Variants in ZNF112 observed in about 807,000 individuals in gnomAD.
ZNF112 encodes zinc finger protein 112 (Y14).
In ZNF112, 37 loss-of-function variants were observed where a neutral mutation model predicts 77.7. The ratio of observed to expected loss-of-function variants is 0.48; its 90% CI spans 0.37 to 0.63. ZNF112 has a LOEUF of 0.63. Ranked by LOEUF, ZNF112 falls within the 20% of genes least tolerant of loss-of-function variation. The pLI, the probability that ZNF112 is intolerant of heterozygous loss-of-function variation, is 0.00. For missense variants in ZNF112, 950 were observed against 1,077.4 expected, an observed-to-expected ratio of 0.88 and a Z score of 1.66; for synonymous variants, 333 against 363.6, an observed-to-expected ratio of 0.92 and a Z score of 0.96.
At chr19:44,330,877 G>C (rs527960806) in intron 3 of ZNF112, among the ~76,000 whole-genome samples, 1 of 152,180 alleles carries the variant, frequency 6.6e-6, no homozygotes, top group Non-Finnish European at 1.5e-5. Flanking sequence ...GTCCTAATAA[G>C]TTTTTCTTTT....
intron 1 of ZNF112, among the ~76,000 whole-genome samples, chr19:44,348,707 T>C (rs1970639974): frequency 6.6e-6 from 1 of 152,112 alleles, no homozygotes; most frequent in Non-Finnish European, 1.5e-5. Flanking sequence ...AAATGCTTCT[T>C]AGAAAATAAA....
intron 2 of ZNF112, among the ~76,000 whole-genome samples, chr19:44,339,796 G>A (rs897763234): frequency 2.6e-5 from 4 of 152,112 alleles, no homozygotes; most frequent in African/African-American, 7.2e-5. Context: ...ATTGGTATCA[G>A]AGGTGAGAGT....
At chr19:44,354,895 A>G (rs528643560) in intron 1 of ZNF112, among the ~76,000 whole-genome samples, 1 of 152,338 alleles carries the variant, frequency 6.6e-6, no homozygotes, top group East Asian at 1.9e-4. Context: ...TCCTCAAGTA[A>G]GGACCATTCT....
intron 2 of ZNF112, among the ~76,000 whole-genome samples, chr19:44,337,389 T>TATATATTATATATATTTTATATATATA: frequency 3.4e-5 from 2 of 58,690 alleles, no homozygotes; most frequent in African/African-American, 1.6e-4. Flanking sequence ...TATATAATAA[T>TATATATTATATATATTTTATATATATA]ATATATAATA....
At chr19:44,337,279 A>G (rs1970386767) in intron 2 of ZNF112, among the ~76,000 whole-genome samples, 1 of 137,800 alleles carries the variant, frequency 7.3e-6, no homozygotes. Context: ...TATATTATAT[A>G]TATTTCATAT....
intron 2 of ZNF112, among the ~76,000 whole-genome samples, chr19:44,337,781 A>T (rs912742515): frequency 2.4e-4 from 37 of 151,580 alleles, no homozygotes; most frequent in African/African-American, 8.0e-4. Context: ...TAAACTGAAC[A>T]TCTATTCATA....
At chr19:44,362,996 G>A (rs1970868772) in intron 1 of ZNF112, among the ~76,000 whole-genome samples, 1 of 152,054 alleles carries the variant, frequency 6.6e-6, no homozygotes, top group Admixed American at 6.5e-5. Flanking sequence ...TGAAGACAGG[G>A]TCTTACCTTG....
rs746118124 is a variant in ZNF112, at chr19:44,329,656, C to T, written c.501G>A (p.Gly167=). Residue 167 remains glycine (G), a synonymous_variant, in exon 4 of 4, where the codon GGG becomes GGA. Transcript: ENST00000354340. The part of the protein sequence containing the change: ...GNGSNYIKSQ[G]YPSWRAHHSW... ...AATGATGTGCCCTCCAAGATGGATA[C>T]CCTTGACTTTTTATATAATTGGAGC... 1 of 1,614,088 alleles carries T rather than the reference C, an allele frequency of 6.2e-7. No homozygotes were observed. The highest frequency in any genetic ancestry group is 1.1e-5 in the South Asian group (1 of 91,076).
In ZNF112 at chr19:44,336,650, T is replaced by C; in HGVS notation, c.193A>G (p.Thr65Ala). The C allele has an allele frequency of 6.2e-7, 1 of 1,614,026 alleles. No homozygotes were observed. Among genetic ancestry groups the C allele is most frequent in the Non-Finnish European group, 8.5e-7 (1 of 1,179,946 alleles). The change falls in exon 3 of 4, where the codon ACA becomes GCA. Residue 65 changes from threonine (T) to alanine (A), a missense_variant. Transcript: ENST00000354340. ...EREEKLLMVE[T>A]ETPRDGCSGR... ...GAACATCCATCTCTTGGGGTTTCTG[T>C]CTCCACCATCAAAAGCTTTTCTTCT...
At chr19:44,359,622 T>A (rs1296811527), upstream of ZNF112, among the ~76,000 whole-genome samples, 2 of 152,152 alleles carry the variant, frequency 1.3e-5, no homozygotes, top group African/African-American at 4.8e-5. Flanking sequence ...GCATGTGGCC[T>A]ACAGTTCTTT....
chr19:44,342,795 A>G (rs1427987073), intron 1 of ZNF112, among the ~76,000 whole-genome samples: 1 of 151,660 alleles, frequency 6.6e-6, no homozygotes, highest in Non-Finnish European at 1.5e-5. Context: ...AGCCTGGGCA[A>G]CAGAGCGAGA....
At chr19:44,332,866 A>G (rs1970295326) in intron 3 of ZNF112, among the ~76,000 whole-genome samples, 1 of 152,250 alleles carries the variant, frequency 6.6e-6, no homozygotes, top group Admixed American at 6.5e-5. Context: ...TCTAAAAAAG[A>G]CCACACATGT....
Position 44,328,721 on chromosome 19 carries a change from T to G in ZNF112, c.1436A>C (p.Tyr479Ser). The change falls in exon 4 of 4, where the codon TAT becomes TCT. Residue 479 changes from tyrosine (Y) to serine (S), a missense_variant. By Grantham distance (144) the Tyr-to-Ser change is moderately radical. This residue lies in a region of ZNF112 where 560 missense variants were observed against 557.3 expected (regional missense o/e 1.00). Transcript: ENST00000354340. Reference protein sequence around the residue: ...VCSNSFSHNLYLQGHPKIHIG... With the variant: ...VCSNSFSHNLSLQGHPKIHIG... ...GTGAATTTTTGGATGACCTTGAAGATATAAATTATGGCTGAAGCTGTTACT... is the reference window on the plus strand; with the variant it reads ...GTGAATTTTTGGATGACCTTGAAGAGATAAATTATGGCTGAAGCTGTTACT... The G allele has an allele frequency of 1.9e-6, 3 of 1,614,054 alleles. No individual in the cohort carries two copies. The highest frequency in any genetic ancestry group is 2.5e-6 in the Non-Finnish European group (3 of 1,179,956).
chr19:44,340,589 T>G (rs776922295), intron 1 of ZNF112, 47 bp from the exon 2 acceptor site: 1 of 1,612,716 alleles, frequency 6.2e-7, no homozygotes, highest in Non-Finnish European at 8.5e-7. Context: ...AGAAGGGCAG[T>G]GCTGAGAAGG....
chr19:44,346,810 C>A (rs901643788), intron 1 of ZNF112, among the ~76,000 whole-genome samples: 2 of 152,244 alleles, frequency 1.3e-5, no homozygotes, highest in East Asian at 3.9e-4. Flanking sequence ...ATGGGAAAGA[C>A]AGATCAGAAA....
intron 1 of ZNF112, among the ~76,000 whole-genome samples, chr19:44,352,483 G>A (rs1970711005): frequency 1.3e-5 from 2 of 151,972 alleles, no homozygotes; most frequent in South Asian, 4.1e-4. Context: ...ATTCAACACT[G>A]TACTGAAAAT....
chr19:44,342,279 A>AT (rs759294652), intron 1 of ZNF112, among the ~76,000 whole-genome samples: 1 of 152,082 alleles, frequency 6.6e-6, no homozygotes, highest in African/African-American at 2.4e-5. Flanking sequence ...AAAAACATCT[A>AT]TTTTTCCCCC....
At chr19:44,332,143 T>C (rs2123148368) in intron 3 of ZNF112, among the ~76,000 whole-genome samples, 1 of 152,262 alleles carries the variant, frequency 6.6e-6, no homozygotes, top group South Asian at 2.1e-4. Flanking sequence ...TAATTGCACC[T>C]GTGAACAGCC....
At chr19:44,346,113 G>C (rs537048390) in intron 1 of ZNF112, among the ~76,000 whole-genome samples, 2 of 152,162 alleles carry the variant, frequency 1.3e-5, no homozygotes, top group Admixed American at 1.3e-4. Context: ...AGAAGGTTTC[G>C]CTGAAGCCTC....
Sources: allele counts gnomAD v4.1 joint callset (sites outside exome capture counted in the v4.1 genomes callset), GRCh38; gene constraint gnomAD v4.1.1; regional missense constraint gnomAD v4.1.1; transcripts MANE v1.5; gene names NCBI Gene and HGNC (gene_info 2026-07-23, HGNC 2026-07-21).